The following TMEM178B variants were observed in gnomAD, a reference collection of about 807,000 sequenced individuals.
TMEM178B encodes the protein transmembrane protein 178B.
Under a neutral mutation model 31.0 loss-of-function variants are expected in TMEM178B, and 5 were observed. The observed-to-expected ratio is 0.16, with a 90% CI of 0.08 to 0.34. TMEM178B has a LOEUF of 0.34. TMEM178B is among the 10% of genes least tolerant of loss of function. The pLI, the probability that TMEM178B is intolerant of heterozygous loss-of-function variation, is 1.00. For synonymous variants in TMEM178B, 164 were observed against 164.0 expected (o/e 1.00, Z 0.00); for missense variants, 275 against 400.3 (o/e 0.69, Z 2.67).
chr7:141,205,876 A>G (rs1469171326), intron 1 of TMEM178B, among the ~76,000 whole-genome samples: 6 of 152,230 alleles, frequency 3.9e-5, no homozygotes, highest in Non-Finnish European at 7.3e-5. Flanking sequence ...TTCAGAATTC[A>G]GTGTCACTGC....
At chr7:141,489,440 AG>A in the TMEM178B span, among the ~76,000 whole-genome samples, 1 of 152,202 alleles carries the variant, frequency 6.6e-6, no homozygotes, top group African/African-American at 2.4e-5. Context: ...TTTCCTTATC[AG>A]AGCCATCATT....
intron 1 of TMEM178B, among the ~76,000 whole-genome samples, chr7:141,119,727 C>T (rs796252417): frequency 3.3e-5 from 5 of 152,106 alleles, no homozygotes; most frequent in African/African-American, 1.2e-4. Flanking sequence ...AGAAGGGAGC[C>T]GGGGTTATGT....
intron 3 of TMEM178B, among the ~76,000 whole-genome samples, chr7:141,444,438 A>G (rs1007433577): frequency 1.3e-5 from 2 of 152,132 alleles, no homozygotes; most frequent in African/African-American, 2.4e-5. Context: ...ACCCCATCTT[A>G]TCTTCTGTTC....
intron 1 of TMEM178B, among the ~76,000 whole-genome samples, chr7:141,170,405 T>C (rs986096155): frequency 7.9e-5 from 12 of 152,306 alleles, no homozygotes; most frequent in Non-Finnish European, 1.5e-4. Context: ...ACTGCGGCTC[T>C]TCTCAGTTTT....
rs2116730482 is a variant in TMEM178B, at chr7:141,470,605, G to A, written c.704G>A (p.Arg235His). 1.0e-5 allele frequency: 16 copies of A among 1,534,910 alleles called. No individual in the cohort carries two copies. The highest frequency in any genetic ancestry group is 6.0e-5 in the South Asian group (5 of 83,888). ...AACTTTGAGCTGTCACGCTACCCAC[G>A]CTACCTGTACGGACTCCCTGATGAC... The part of the protein sequence containing the change: ...GINFELSRYP[R>H]YLYGLPDDIS... The change falls in exon 4 of 4, where the codon CGC (arginine) becomes CAC (histidine). Residue 235 changes from arginine (R) to histidine (H), a missense_variant. Coordinates refer to ENST00000565468, the MANE Select transcript of TMEM178B (RefSeq NM_001195278.2).
At chr7:141,137,639 T>A (rs979958792) in intron 1 of TMEM178B, among the ~76,000 whole-genome samples, 2 of 152,218 alleles carry the variant, frequency 1.3e-5, no homozygotes, top group African/African-American at 4.8e-5. Context: ...TAACCATAAT[T>A]TATTGTATAT....
At chr7:141,390,996 G>A (rs530178548) in intron 2 of TMEM178B, among the ~76,000 whole-genome samples, 33 of 152,172 alleles carry the variant, frequency 2.2e-4, no homozygotes, top group Non-Finnish European at 4.6e-4. Flanking sequence ...TGAGCTTGAC[G>A]CAGAAAGTGA....
intron 2 of TMEM178B, among the ~76,000 whole-genome samples, chr7:141,392,891 A>T (rs1800571303): frequency 6.6e-6 from 1 of 151,650 alleles, no homozygotes; most frequent in South Asian, 2.1e-4. Flanking sequence ...TGTAGGTTCT[A>T]ATGGGGCTTT....
At chr7:141,379,828 G>A (rs563753092) in intron 2 of TMEM178B, among the ~76,000 whole-genome samples, 1 of 152,224 alleles carries the variant, frequency 6.6e-6, no homozygotes, top group South Asian at 2.1e-4. Context: ...ATTATAATGT[G>A]AGAAGTGAAG....
chr7:141,286,087 T>TATA lies in TMEM178B; in HGVS notation c.496+73397_496+73399dup, dbSNP rs750611146. Among the ~76,000 whole-genome samples the TATA allele has an allele frequency of 2.6e-4, 39 of 151,436 alleles. No homozygotes were observed. The South Asian group carries it at 4.7e-3, about 18-fold the overall frequency. On this transcript the variant is annotated intron_variant, in intron 2 of 3. Transcript: ENST00000565468. Reference sequence around the variant, plus strand: ...GCACATGTATCCCAGAACTTAAAAGTATAATAATAATAATAACAGCTGAAA... The same window carrying TATA: ...GCACATGTATCCCAGAACTTAAAAGTATAATAATAATAATAATAACAGCTGAAA...
chr7:141,450,402 T>A (rs550995181), intron 3 of TMEM178B, among the ~76,000 whole-genome samples: 1 of 152,218 alleles, frequency 6.6e-6, no homozygotes, highest in South Asian at 2.1e-4. Context: ...TTGCTCACAA[T>A]TGTAGAGAGG....
intron 3 of TMEM178B, among the ~76,000 whole-genome samples, chr7:141,465,393 A>G (rs997517613): frequency 7.9e-5 from 12 of 152,172 alleles, no homozygotes; most frequent in African/African-American, 1.9e-4. Context: ...CAGCCAGTCA[A>G]TGGGGAGGAG....
chr7:141,095,239 G>A (rs137879415), intron 1 of TMEM178B, among the ~76,000 whole-genome samples: 1,634 of 152,240 alleles, frequency 0.011, 82 homozygotes, highest in Admixed American at 0.085. Flanking sequence ...TGGAGCAGGT[G>A]GTGTATCATT....
intron 2 of TMEM178B, among the ~76,000 whole-genome samples, chr7:141,309,162 AG>A (rs1425418062): frequency 5.9e-5 from 9 of 152,264 alleles, no homozygotes; most frequent in Non-Finnish European, 1.3e-4. Context: ...AAATTAAAGA[AG>A]AAAATAAAAA....
At chr7:141,387,280 C>A (rs1800448794) in intron 2 of TMEM178B, among the ~76,000 whole-genome samples, 1 of 152,194 alleles carries the variant, frequency 6.6e-6, no homozygotes, top group Non-Finnish European at 1.5e-5. Flanking sequence ...TCAGGCTAAA[C>A]ACTTTACATG....
intron 2 of TMEM178B, among the ~76,000 whole-genome samples, chr7:141,359,605 C>A (rs1002466518): frequency 1.1e-4 from 16 of 152,194 alleles, no homozygotes; most frequent in African/African-American, 3.9e-4. Context: ...TCAGCCATTT[C>A]TCCAGGTCCA....
intron 2 of TMEM178B, among the ~76,000 whole-genome samples, chr7:141,273,271 T>C (rs1798214615): frequency 6.6e-6 from 1 of 152,210 alleles, no homozygotes; most frequent in African/African-American, 2.4e-5. Context: ...CTTTCACTTA[T>C]AAGATGAACA....
At chr7:141,245,357 C>T (rs1483731953) in intron 2 of TMEM178B, among the ~76,000 whole-genome samples, 2 of 151,984 alleles carry the variant, frequency 1.3e-5, no homozygotes, top group Middle Eastern at 3.4e-3. Context: ...ACCCAGGCTG[C>T]TTCTGGAGTG....
chr7:141,208,284 C>T (rs187161499), intron 1 of TMEM178B, among the ~76,000 whole-genome samples: 2 of 152,308 alleles, frequency 1.3e-5, no homozygotes, highest in East Asian at 1.9e-4. Flanking sequence ...AGTCCTCCCC[C>T]ACCTGAGGCT....
Sources: gnomAD v4.1 joint callset for allele counts (sites outside exome capture counted in the v4.1 genomes callset) on GRCh38, gnomAD v4.1.1 for gene constraint, MANE v1.5 for transcripts, NCBI Gene and HGNC (gene_info 2026-07-23, HGNC 2026-07-21) for gene names.